Variants in MME observed in about 807,000 individuals in gnomAD.
MME encodes the protein neprilysin.
MME carries 98 observed loss-of-function variants against 113.2 expected under a neutral mutation model. That is an observed-to-expected ratio of 0.87 (90% CI 0.74 to 1.02). The LOEUF (loss-of-function observed/expected upper bound fraction) is 1.02, where lower values mean the gene tolerates loss of function less well. MME is among the 50% of genes least tolerant of loss of function. The pLI, the probability that MME is intolerant of heterozygous loss-of-function variation, is 0.00. For synonymous variants in MME, 292 were observed against 300.6 expected (o/e 0.97, Z 0.30); for missense variants, 836 against 896.0 (o/e 0.93, Z 0.86).
At chr3:155,047,432 A>G (rs1713595964) in intron 1 of MME, among the ~76,000 whole-genome samples, 1 of 152,210 alleles carries the variant, frequency 6.6e-6, no homozygotes, top group Non-Finnish European at 1.5e-5. Context: ...TTCACACAAC[A>G]ACAAAAATCA....
chr3:155,128,006 G>T (rs1005354582), intron 8 of MME, among the ~76,000 whole-genome samples: 10 of 152,186 alleles, frequency 6.6e-5, no homozygotes, highest in African/African-American at 2.4e-4. Flanking sequence ...CATGCTTGCT[G>T]CCTTGCTCCT....
chr3:155,109,195 T>C (rs1316458015), intron 3 of MME, among the ~76,000 whole-genome samples: 1 of 111,550 alleles, frequency 9.0e-6, no homozygotes, highest in Non-Finnish European at 2.0e-5. Flanking sequence ...CTTGTGGTTC[T>C]TGAGAGAGGA....
intron 1 of MME, among the ~76,000 whole-genome samples, chr3:155,035,043 A>G (rs887191924): frequency 3.3e-5 from 5 of 152,110 alleles, no homozygotes; most frequent in African/African-American, 1.2e-4. Flanking sequence ...GCTAAATCTG[A>G]TAAAGACATT....
chr3:155,106,452 G>A (rs1190895800), intron 3 of MME, among the ~76,000 whole-genome samples: 1 of 152,178 alleles, frequency 6.6e-6, no homozygotes, highest in East Asian at 1.9e-4. Flanking sequence ...CATCCTGAGT[G>A]TTTGTAATGA....
intron 1 of MME, among the ~76,000 whole-genome samples, chr3:155,067,780 T>C (rs1714433596): frequency 1.3e-5 from 2 of 152,192 alleles, no homozygotes; most frequent in Non-Finnish European, 2.9e-5. Context: ...AGATTGACTG[T>C]ACCAAGAGTT....
At position 155,166,948 on chromosome 3, in the gene MME, G is replaced by A; in HGVS notation, c.1707G>A (p.Gln569=). 6.2e-7 allele frequency: 1 copy of A among 1,613,732 alleles called. No individual in the cohort carries two copies. The highest frequency in any genetic ancestry group is 8.5e-7 in the Non-Finnish European group (1 of 1,179,766). Residue 569 remains glutamine, a synonymous_variant, in exon 18 of 23, where the codon CAG becomes CAA. Coordinates refer to ENST00000360490, the MANE Select transcript of MME (RefSeq NM_007289.4). The part of the protein sequence containing the change: ...ILQPPFFSAQ[Q]SNSLNYGGIG... ...AGCCCCCCTTCTTTAGTGCCCAGCA[G>A]TCCAACTCATTGAACTATGGGGGCA...
intron 3 of MME, among the ~76,000 whole-genome samples, chr3:155,104,058 A>G (rs1397232902): frequency 6.6e-6 from 1 of 152,192 alleles, no homozygotes; most frequent in East Asian, 1.9e-4. Context: ...TCATATCTAG[A>G]TATAGTTACC....
At chr3:155,073,686 T>G (rs1274650761) in intron 1 of MME, among the ~76,000 whole-genome samples, 1 of 152,200 alleles carries the variant, frequency 6.6e-6, no homozygotes, top group East Asian at 1.9e-4. Flanking sequence ...ATAAATGTTT[T>G]AGGCTTTAAG....
At chr3:155,095,481 GAAC>G (rs1385431583) in intron 3 of MME, among the ~76,000 whole-genome samples, 1 of 152,126 alleles carries the variant, frequency 6.6e-6, no homozygotes, top group Non-Finnish European at 1.5e-5. Flanking sequence ...AGAGACATTA[GAAC>G]AACTTTTTGC....
chr3:155,038,235 G>A (rs1713190627), intron 1 of MME, among the ~76,000 whole-genome samples: 1 of 152,096 alleles, frequency 6.6e-6, no homozygotes, highest in Non-Finnish European at 1.5e-5. Context: ...GTAAACCCAA[G>A]GTTTTGGACA....
chr3:155,079,250 G>A (rs955134092), upstream of MME, among the ~76,000 whole-genome samples: 3 of 151,964 alleles, frequency 2.0e-5, no homozygotes, highest in African/African-American at 7.3e-5. Flanking sequence ...AATGAAGAAG[G>A]AAGGAAGCTT....
At chr3:155,085,010 T>A in intron 2 of MME, 49 bp from the exon 3 acceptor site, 1 of 1,338,294 alleles carries the variant, frequency 7.5e-7, no homozygotes, top group Non-Finnish European at 1.0e-6. Context: ...AAATAGAAAT[T>A]TAAAAATTTG....
intron 1 of MME, among the ~76,000 whole-genome samples, chr3:155,040,963 T>C (rs746182101): frequency 6.6e-6 from 1 of 152,222 alleles, no homozygotes; most frequent in Non-Finnish European, 1.5e-5. Flanking sequence ...CATAAATTTC[T>C]ATTACGAAGA....
chr3:155,082,321 G>A (rs1715225511), intron 1 of MME, among the ~76,000 whole-genome samples: 1 of 152,138 alleles, frequency 6.6e-6, no homozygotes, highest in African/African-American at 2.4e-5. Context: ...ATATGCGGGG[G>A]GAACAATATT....
Position 155,063,621 on chromosome 3 carries a change from AATATATTATATTTGATT to A in MME, c.-10-20514_-10-20498del, listed in dbSNP as rs1010415261. ...TATTATATTTGATTATATAATATATAATATATTATATTTGATTATATATTATATTTGATTATATAACA... is the reference window on the plus strand; with the variant it reads ...TATTATATTTGATTATATAATATATAATATATTATATTTGATTATATAACA... On this transcript the variant is annotated intron_variant, in intron 1 of 22. Coordinates refer to the MME transcript ENST00000492661. 1.4e-4 allele frequency among the ~76,000 whole-genome samples: 17 copies of A among 117,626 alleles called. No individual in the cohort carries two copies. In the South Asian group the frequency reaches 3.3e-3, roughly 23 times the overall value. The allele number at this position is 117,626 out of a possible 152,430, so 77.2% of individuals were successfully genotyped here.
At chr3:155,047,254 G>A (rs1239938442) in intron 1 of MME, among the ~76,000 whole-genome samples, 1 of 152,068 alleles carries the variant, frequency 6.6e-6, no homozygotes, top group African/African-American at 2.4e-5. Context: ...ACTTTCCATT[G>A]TTTTACCACT....
chr3:155,118,576 C>T (rs1288097391), intron 7 of MME, among the ~76,000 whole-genome samples, 170 bp from the exon 8 acceptor site: 1 of 152,138 alleles, frequency 6.6e-6, no homozygotes, highest in African/African-American at 2.4e-5. Context: ...ATAACACTTA[C>T]AAGTAGTGTA....
chr3:155,116,442 A>C, intron 4 of MME, 37 bp from the exon 5 acceptor site: 1 of 1,399,228 alleles, frequency 7.1e-7, no homozygotes, highest in Non-Finnish European at 1.0e-6. Context: ...CAAATGAGCA[A>C]TTATGTTGAT....
At chr3:155,119,685 G>A (rs1356954068) in intron 8 of MME, among the ~76,000 whole-genome samples, 2 of 150,918 alleles carry the variant, frequency 1.3e-5, no homozygotes, top group African/African-American at 4.9e-5. Context: ...TTTTGTTCTT[G>A]CGATAGTTTA....
Sources: gnomAD v4.1 joint callset for allele counts (sites outside exome capture counted in the v4.1 genomes callset) on GRCh38, gnomAD v4.1.1 for gene constraint, MANE v1.5 for transcripts, NCBI Gene and HGNC (gene_info 2026-07-23, HGNC 2026-07-21) for gene names.